Variants in ITCH observed in about 807,000 individuals in gnomAD.
ITCH encodes the protein E3 ubiquitin-protein ligase Itchy homolog.
A neutral mutation model predicts 126.8 loss-of-function variants in ITCH; 28 were observed. The ratio of observed to expected loss-of-function variants is 0.22; its 90% confidence interval spans 0.16 to 0.30. ITCH has a LOEUF of 0.30. Among genes scored for constraint, ITCH ranks in the 10% least tolerant of loss-of-function variants. The probability of loss-of-function intolerance (pLI) is 1.00; values close to 1 mark genes in which losing one functional copy is unlikely to be tolerated. For synonymous variants in ITCH, 342 were observed against 340.0 expected (o/e 1.01, Z -0.06); for missense variants, 631 against 1,032.4 (o/e 0.61, Z 5.33).
Position 34,381,822 on chromosome 20 carries a change from C to T in ITCH, c.-21-11969C>T, listed in dbSNP as rs530457926. On this transcript the variant is annotated intron_variant, in intron 2 of 24. Coordinates refer to ENST00000374864, the MANE Select transcript of ITCH (RefSeq NM_031483.7). ...CAGGCTATAGTGAGCCATGATCACA[C>T]CACTGTACCCTAGCTCTGTCAACAG... is the stretch of plus-strand genomic sequence containing the variant. 8.6e-5 allele frequency among the ~76,000 whole-genome samples: 13 copies of T among 150,814 alleles called. No individual in the cohort carries two copies. In the East Asian group the frequency reaches 2.5e-3, roughly 29 times the overall value.
At chr20:34,500,256 A>T (rs532514567) in intron 23 of ITCH, among the ~76,000 whole-genome samples, 1 of 152,344 alleles carries the variant, frequency 6.6e-6, no homozygotes, top group South Asian at 2.1e-4. Context: ...TAGATGATCT[A>T]TCCAGTGCTA....
At chr20:34,417,540 C>T (rs1980087335) in intron 6 of ITCH, among the ~76,000 whole-genome samples, 1 of 151,736 alleles carries the variant, frequency 6.6e-6, no homozygotes, top group Admixed American at 6.6e-5. Flanking sequence ...GCTGGGATGA[C>T]AGGCATGCGC....
intron 16 of ITCH, among the ~76,000 whole-genome samples, chr20:34,472,423 T>C (rs1462515761): frequency 6.6e-6 from 1 of 151,518 alleles, no homozygotes; most frequent in Non-Finnish European, 1.5e-5. Flanking sequence ...TATTCGCCTT[T>C]ATCTTGCAGA....
Position 34,412,540 on chromosome 20 carries a change from C to T in ITCH, c.238C>T (p.His80Tyr), listed in dbSNP as rs564964052. The change falls in exon 5 of 25, where the codon CAT (histidine) becomes TAT (tyrosine). Residue 80 changes from histidine to tyrosine, a missense_variant. Around this residue, in one of 4 missense-constraint regions of ITCH, gnomAD observed 220 missense variants for 265.7 expected, o/e 0.83. Coordinates refer to ENST00000374864, the MANE Select transcript of ITCH (RefSeq NM_031483.7). Reference sequence around the variant, plus strand: ...TATCGTTACCCCTGTGAGTAAATTACATTTTCGTGTGTGGAGTCACCAGAC... The same window carrying T: ...TATCGTTACCCCTGTGAGTAAATTATATTTTCGTGTGTGGAGTCACCAGAC... Reference protein sequence around the residue: ...TVIVTPVSKLHFRVWSHQTLK... With the variant: ...TVIVTPVSKLYFRVWSHQTLK... 1.4e-5 allele frequency: 22 copies of T among 1,601,764 alleles called. No individual in the cohort carries two copies. The highest frequency in any genetic ancestry group is 2.2e-5 in the East Asian group (1 of 44,726).
chr20:34,404,221 T>G (rs1034360162), intron 3 of ITCH, among the ~76,000 whole-genome samples: 2 of 152,092 alleles, frequency 1.3e-5, no homozygotes, highest in African/African-American at 4.8e-5. Context: ...TTTTTATTTT[T>G]TTGTTTAATT....
At position 34,481,210 on chromosome 20, in the gene ITCH, A is replaced by G. The variant is rs942515662; in HGVS notation, c.2093+4A>G. On this transcript the variant is annotated splice_donor_region_variant and intron_variant, in intron 20 of 24. Transcript: ENST00000374864. ...AAAATAAAGAGGAATACATCAGGTGAGAGTGCTCCTTTTCACATTTCACTT... is the reference window on the plus strand; with the variant it reads ...AAAATAAAGAGGAATACATCAGGTGGGAGTGCTCCTTTTCACATTTCACTT... 7 of 1,613,146 alleles carry G rather than the reference A, an allele frequency of 4.3e-6. No homozygotes were observed. The Admixed American group carries it at 1.0e-4, about 23-fold the overall frequency.
At chr20:34,392,037 T>C (rs1295257470) in intron 2 of ITCH, among the ~76,000 whole-genome samples, 1 of 152,178 alleles carries the variant, frequency 6.6e-6, no homozygotes, top group Admixed American at 6.5e-5. Context: ...ATTGGACTTT[T>C]CTCACTGCCC....
chr20:34,388,703 C>T (rs755843198), intron 2 of ITCH, among the ~76,000 whole-genome samples: 3 of 152,164 alleles, frequency 2.0e-5, no homozygotes, highest in Admixed American at 1.3e-4. Flanking sequence ...CATACAAAGG[C>T]TTAAAAGTAT....
chr20:34,371,404 G>A (rs931743176), intron 2 of ITCH, among the ~76,000 whole-genome samples: 6 of 149,276 alleles, frequency 4.0e-5, no homozygotes, highest in African/African-American at 1.5e-4. Flanking sequence ...AGCCTCCTGA[G>A]TAGCTGGGAC....
chr20:34,463,238 C>T (rs1338717309), intron 14 of ITCH, among the ~76,000 whole-genome samples: 1 of 152,168 alleles, frequency 6.6e-6, no homozygotes, highest in Admixed American at 6.5e-5. Context: ...TGGCGCACAC[C>T]TGTAATCCCG....
intron 2 of ITCH, among the ~76,000 whole-genome samples, chr20:34,378,597 G>C (rs1449672437): frequency 1.3e-5 from 2 of 150,986 alleles, no homozygotes; most frequent in African/African-American, 2.4e-5. Flanking sequence ...AAAATTGCCT[G>C]TCATAGAAAT....
At chr20:34,479,989 C>T (rs1988582746) in intron 18 of ITCH, among the ~76,000 whole-genome samples, 200 bp downstream of exon 18, 1 of 152,142 alleles carries the variant, frequency 6.6e-6, no homozygotes, top group Non-Finnish European at 1.5e-5. Flanking sequence ...ACCTCTGCTT[C>T]CTGGACTCAG....
chr20:34,364,125 G>T (rs2037314869), intron 1 of ITCH, among the ~76,000 whole-genome samples: 1 of 152,228 alleles, frequency 6.6e-6, no homozygotes. Flanking sequence ...GTCCGCGACA[G>T]AAAAGAGAAT....
At chr20:34,464,023 G>A (rs1425811039) in intron 14 of ITCH, among the ~76,000 whole-genome samples, 1 of 151,944 alleles carries the variant, frequency 6.6e-6, no homozygotes, top group Admixed American at 6.6e-5. Context: ...CACCCAGGCT[G>A]GAGTGCAGTG....
chr20:34,416,213 A>G (rs1201775802), intron 6 of ITCH, among the ~76,000 whole-genome samples: 1 of 152,044 alleles, frequency 6.6e-6, no homozygotes, highest in Non-Finnish European at 1.5e-5. Context: ...AGCCTGACCA[A>G]CATGGAGAAA....
rs2146589693 is a variant in ITCH, at chr20:34,509,278, A to G, written c.*1484A>G. On this transcript the variant is annotated 3_prime_UTR_variant, in exon 25 of 25. Coordinates refer to ENST00000374864, the MANE Select transcript of ITCH (RefSeq NM_031483.7). ...CTTCATTGGCAGTGGATGAAGCCTA[A>G]GCCAGCTGAGTCTCTATCATAGCTG... is the stretch of plus-strand genomic sequence containing the variant. The G allele has an allele frequency of 6.6e-6, 1 of 152,480 alleles. No individual in the cohort carries two copies. The highest frequency in any genetic ancestry group is 1.9e-4 in the East Asian group (1 of 5,186). The allele number at this position is 152,480 out of a possible 1,614,324, so 9.4% of individuals were successfully genotyped here. A position where few individuals can be genotyped will look rare whatever the true frequency, so the allele number is the denominator to read the frequency against.
chr20:34,470,442 C>CT (rs999923973), intron 15 of ITCH, among the ~76,000 whole-genome samples: 2 of 144,110 alleles, frequency 1.4e-5, no homozygotes, highest in Admixed American at 6.9e-5. Flanking sequence ...ATATATATTT[C>CT]TTTTTTTTAA....
intron 20 of ITCH, 70 bp downstream of exon 20, chr20:34,481,276 T>A: frequency 2.1e-6 from 3 of 1,413,032 alleles, no homozygotes; most frequent in Non-Finnish European, 3.0e-6. Context: ...TTACTAATAC[T>A]AATGGAGAGT....
chr20:34,365,088 TACTC>T (rs2037368199), intron 1 of ITCH, among the ~76,000 whole-genome samples: 1 of 151,906 alleles, frequency 6.6e-6, no homozygotes, highest in Non-Finnish European at 1.5e-5. Context: ...TGGTCCCAGA[TACTC>T]AGGAGGCTGA....
Sources: gnomAD v4.1 joint callset for allele counts (sites outside exome capture counted in the v4.1 genomes callset) on GRCh38, gnomAD v4.1.1 for gene constraint, gnomAD v4.1.1 regional missense constraint, MANE v1.5 for transcripts, NCBI Gene and HGNC (gene_info 2026-07-23, HGNC 2026-07-21) for gene names.